The following PDE11A variants were observed in gnomAD, a reference collection of about 807,000 sequenced individuals.
PDE11A encodes dual 3',5'-cyclic-AMP and -GMP phosphodiesterase 11A.
A neutral mutation model predicts 100.5 loss-of-function variants in PDE11A; 100 were observed. The observed-to-expected ratio is 1.00, with a 90% CI of 0.85 to 1.18. The LOEUF (loss-of-function observed/expected upper bound fraction) is 1.18, where lower values mean the gene tolerates loss of function less well. Ranked by LOEUF, PDE11A falls within the 50% of genes most tolerant of loss-of-function variation. The pLI, the probability that PDE11A is intolerant of heterozygous loss-of-function variation, is 0.00. For synonymous variants in PDE11A, 381 were observed against 420.8 expected (o/e 0.91, Z 1.16); for missense variants, 1,141 against 1,152.6 (o/e 0.99, Z 0.15).
intron 2 of PDE11A, among the ~76,000 whole-genome samples, chr2:177,946,155 G>A (rs1481983071): frequency 3.7e-5 from 4 of 107,180 alleles, no homozygotes; most frequent in Admixed American, 8.6e-5. Context: ...GGTGAGGGGC[G>A]CCTCTGCCCG....
At chr2:177,755,572 C>T (rs1253076705) in intron 10 of PDE11A, among the ~76,000 whole-genome samples, 3 of 152,172 alleles carry the variant, frequency 2.0e-5, no homozygotes, top group East Asian at 1.9e-4. Flanking sequence ...CCCATGTTTC[C>T]ACCTGGATTT....
intron 6 of PDE11A, 118 bp from the exon 7 acceptor site, chr2:177,820,413 A>G (rs1027456088): frequency 3.0e-6 from 2 of 669,184 alleles, no homozygotes; most frequent in Non-Finnish European, 5.4e-6. Flanking sequence ...TATTTTATAC[A>G]CTGTAACCTA....
chr2:177,846,116 G>A (rs2083598538), intron 5 of PDE11A, among the ~76,000 whole-genome samples: 1 of 152,140 alleles, frequency 6.6e-6, no homozygotes, highest in Non-Finnish European at 1.5e-5. Flanking sequence ...TCGTAACACT[G>A]AGTTAGAGCT....
chr2:177,830,558 G>C (rs1021407438), intron 6 of PDE11A, among the ~76,000 whole-genome samples: 1 of 151,120 alleles, frequency 6.6e-6, no homozygotes, highest in Non-Finnish European at 1.5e-5. Flanking sequence ...CCGAGAATGA[G>C]CCACTGCACT....
chr2:177,650,909 T>C (rs1467787633), intron 19 of PDE11A, among the ~76,000 whole-genome samples: 1 of 152,196 alleles, frequency 6.6e-6, no homozygotes, highest in Non-Finnish European at 1.5e-5. Flanking sequence ...ATAAATGATC[T>C]GAGGTTTGTA....
intron 12 of PDE11A, among the ~76,000 whole-genome samples, chr2:177,712,526 A>G (rs1320967224): frequency 6.6e-6 from 1 of 152,136 alleles, no homozygotes; most frequent in African/African-American, 2.4e-5. Flanking sequence ...AGGATTGTCA[A>G]CCCAGACTGA....
chr2:178,105,427 C>A (rs997585783), intron 1 of PDE11A, among the ~76,000 whole-genome samples: 1 of 152,144 alleles, frequency 6.6e-6, no homozygotes, highest in Admixed American at 6.5e-5. Flanking sequence ...CCACTGCACT[C>A]CAGCCTGGGT....
intron 13 of PDE11A, among the ~76,000 whole-genome samples, chr2:177,703,204 A>G (rs1319241832): frequency 1.3e-5 from 2 of 152,158 alleles, no homozygotes; most frequent in East Asian, 3.8e-4. Context: ...TACTAATATT[A>G]TTATTAATAA....
At chr2:178,099,818 A>C in intron 2 of PDE11A, among the ~76,000 whole-genome samples, 1 of 152,358 alleles carries the variant, frequency 6.6e-6, no homozygotes, top group African/African-American at 2.4e-5. Flanking sequence ...ACCCATGTGC[A>C]TAGCAGCATT....
chr2:177,940,885 G>C (rs1200644409), intron 2 of PDE11A, among the ~76,000 whole-genome samples: 2 of 152,152 alleles, frequency 1.3e-5, no homozygotes, highest in Admixed American at 1.3e-4. Flanking sequence ...GCACTGACTT[G>C]TTTTCAAGTT....
In PDE11A at chr2:177,944,997, G is replaced by C. The variant is rs573178945; in HGVS notation, c.1072-39810C>G. On this transcript the variant is annotated intron_variant, in intron 2 of 19. Coordinates refer to ENST00000286063, the MANE Select transcript of PDE11A (RefSeq NM_016953.4). ...AGGCACGCGCCGCCACGCCTGACTG[G>C]TTTTGGTGGAGACGGGGTTTCGCTG... Among the ~76,000 whole-genome samples the C allele has an allele frequency of 1.6e-3, 241 of 149,880 alleles. 2 individuals carry two copies. The highest frequency in any genetic ancestry group is 5.7e-3 in the African/African-American group (235 of 41,206).
At chr2:177,929,062 A>T (rs1256604805) in intron 2 of PDE11A, among the ~76,000 whole-genome samples, 5 of 152,142 alleles carry the variant, frequency 3.3e-5, no homozygotes, top group African/African-American at 1.2e-4. Context: ...TTTGCAGGGG[A>T]ACTTGAGTGT....
At chr2:177,789,755 A>G (rs1418638211) in intron 9 of PDE11A, among the ~76,000 whole-genome samples, 1 of 152,190 alleles carries the variant, frequency 6.6e-6, no homozygotes, top group Non-Finnish European at 1.5e-5. Flanking sequence ...ACAGACAAAC[A>G]GAGAGCCAAA....
intron 6 of PDE11A, among the ~76,000 whole-genome samples, chr2:177,839,840 T>G (rs189564961): frequency 6.6e-6 from 1 of 152,308 alleles, no homozygotes; most frequent in Admixed American, 6.5e-5. Context: ...TTCAAAATTG[T>G]TTTAATATAT....
chr2:178,104,773 G>T (rs2087599234), intron 1 of PDE11A, among the ~76,000 whole-genome samples: 2 of 152,070 alleles, frequency 1.3e-5, no homozygotes, highest in Non-Finnish European at 2.9e-5. Context: ...AGCCTTCAAA[G>T]AATTATATTA....
Position 178,100,666 on chromosome 2 carries a change from A to G in PDE11A, c.162+3636T>C, listed in dbSNP as rs551909635. On this transcript the variant is annotated intron_variant, in intron 2 of 20. Transcript: ENST00000358450. ...TTATATCCTCAAATCAGTCACAAAT[A>G]TTACCTAAATAATCCAATTTAGGGA... 6.6e-4 allele frequency among the ~76,000 whole-genome samples: 100 copies of G among 152,352 alleles called. 1 individual carries two copies. In the South Asian group the frequency reaches 0.019, roughly 30 times the overall value.
At chr2:177,642,973 G>C (rs1047159168) in intron 19 of PDE11A, among the ~76,000 whole-genome samples, 1 of 152,190 alleles carries the variant, frequency 6.6e-6, no homozygotes, top group Non-Finnish European at 1.5e-5. Flanking sequence ...ATCCATGTAA[G>C]ATGTGACTTC....
chr2:177,819,890 C>CTCTCTCTCTCTCTG (rs1558954590), intron 7 of PDE11A, among the ~76,000 whole-genome samples: 16 of 138,832 alleles, frequency 1.2e-4, no homozygotes, highest in African/African-American at 4.5e-4. Context: ...CTCTCTCTCT[C>CTCTCTCTCTCTCTG]TCTCTGTCTC....
chr2:178,097,398 T>C (rs2087507761), intron 2 of PDE11A, among the ~76,000 whole-genome samples: 1 of 152,122 alleles, frequency 6.6e-6, no homozygotes, highest in African/African-American at 2.4e-5. Flanking sequence ...CAAGGTACCT[T>C]CTTCACAAGG....
Sources: allele counts gnomAD v4.1 joint callset (sites outside exome capture counted in the v4.1 genomes callset), GRCh38; gene constraint gnomAD v4.1.1; transcripts MANE v1.5; gene names NCBI Gene and HGNC (gene_info 2026-07-23, HGNC 2026-07-21).